LRRC7: variants seen among roughly 807,000 people sequenced by gnomAD.
LRRC7 encodes leucine-rich repeat-containing protein 7.
Under a neutral mutation model 175.7 loss-of-function variants are expected in LRRC7, and 23 were observed. The observed-to-expected ratio is 0.13, with a 90% CI of 0.09 to 0.19. LRRC7 has a LOEUF of 0.19. Ranked by LOEUF, LRRC7 falls within the 10% of genes least tolerant of loss-of-function variation. The pLI, the probability that LRRC7 is intolerant of heterozygous loss-of-function variation, is 1.00. For missense variants in LRRC7, 1,354 were observed against 1,904.7 expected, an observed-to-expected ratio of 0.71 and a Z score of 5.38; for synonymous variants, 685 against 680.9, an observed-to-expected ratio of 1.01 and a Z score of -0.09.
At chr1:70,005,226 T>C (rs1300978850) in intron 11 of LRRC7, among the ~76,000 whole-genome samples, 4 of 152,196 alleles carry the variant, frequency 2.6e-5, no homozygotes, top group Non-Finnish European at 4.4e-5. Flanking sequence ...GTATCTACAC[T>C]AGAATTGGAG....
intron 11 of LRRC7, among the ~76,000 whole-genome samples, chr1:69,995,408 T>G (rs967692050): frequency 1.1e-4 from 17 of 151,968 alleles, no homozygotes; most frequent in Admixed American, 1.1e-3. Context: ...TTTTTTTAAT[T>G]TATTATTATT....
chr1:69,975,280 A>G (rs1652692624), intron 8 of LRRC7, among the ~76,000 whole-genome samples: 1 of 152,176 alleles, frequency 6.6e-6, no homozygotes, highest in Non-Finnish European at 1.5e-5. Flanking sequence ...TTATGTTCCC[A>G]CAGCATCCTC....
intron 1 of LRRC7, among the ~76,000 whole-genome samples, chr1:69,595,374 C>T (rs1235991445): frequency 6.6e-6 from 1 of 152,130 alleles, no homozygotes; most frequent in African/African-American, 2.4e-5. Context: ...GAGCCGAGAT[C>T]GTGCCATTGC....
intron 7 of LRRC7, among the ~76,000 whole-genome samples, chr1:69,847,153 A>G (rs1328484910): frequency 6.6e-6 from 1 of 152,118 alleles, no homozygotes; most frequent in East Asian, 1.9e-4. Context: ...AACACTCCAC[A>G]AGGATTAGGA....
chr1:70,106,610 G>A (rs1011719736), intron 25 of LRRC7, among the ~76,000 whole-genome samples: 1 of 152,148 alleles, frequency 6.6e-6, no homozygotes, highest in African/African-American at 2.4e-5. Context: ...AGTAGCACCT[G>A]AAATTAGTAA....
rs1485995831 is a variant in LRRC7, at chr1:70,039,521, A to G, written c.3697A>G (p.Thr1233Ala). The G allele has an allele frequency of 1.2e-6, 2 of 1,614,122 alleles. No homozygotes were observed. Among genetic ancestry groups the G allele is most frequent in the South Asian group, 2.2e-5 (2 of 91,080 alleles). The change falls in exon 21 of 27, where the codon ACC (threonine) becomes GCC (alanine). Residue 1233 changes from threonine to alanine, a missense_variant. Thr to Ala is a moderately conservative substitution (Grantham distance 58). Coordinates refer to ENST00000651989, the MANE Select transcript of LRRC7 (RefSeq NM_001370785.2). ...QAGSFPVKNL[T>A]QRRPLSARSY... ...GGGAAGTTTTCCGGTTAAAAACCTT[A>G]CCCAAAGGAGGCCATTGTCTGCGAG...
At position 70,138,040 on chromosome 1, in the gene LRRC7, G is replaced by A. The variant is rs1439717618; in HGVS notation, c.*16153G>A. The A allele has an allele frequency of 6.6e-6, 1 of 152,196 alleles. No individual in the cohort carries two copies. The highest frequency in any genetic ancestry group is 2.4e-5 in the African/African-American group (1 of 41,446). The allele number at this position is 152,196 out of a possible 1,614,324, so 9.4% of individuals were successfully genotyped here. A position where few individuals can be genotyped will look rare whatever the true frequency, so the allele number is the denominator to read the frequency against. On this transcript the variant is annotated 3_prime_UTR_variant, in exon 27 of 27. Transcript: ENST00000651989. The stretch of plus-strand genomic sequence containing the variant: ...TATAATAAAGTTGAGTTCAAAAAGT[G>A]TATGAATTCAGTTATGGTCTGGAAA...
intron 4 of LRRC7, among the ~76,000 whole-genome samples, chr1:69,816,220 C>T (rs1284645357): frequency 2.0e-5 from 3 of 152,020 alleles, no homozygotes; most frequent in Admixed American, 6.6e-5. Context: ...TCAAGCAATC[C>T]GCCCGCCTCA....
intron 1 of LRRC7, among the ~76,000 whole-genome samples, chr1:69,573,362 T>C (rs951418510): frequency 6.6e-6 from 1 of 152,294 alleles, no homozygotes; most frequent in East Asian, 1.9e-4. Context: ...CAAAGAAAGA[T>C]TAAGATTTTG....
chr1:69,622,355 T>A (rs146258089), intron 1 of LRRC7, among the ~76,000 whole-genome samples: 2 of 152,362 alleles, frequency 1.3e-5, no homozygotes, highest in African/African-American at 4.8e-5. Flanking sequence ...CTTATGGCTT[T>A]TAAATTAGTT....
chr1:69,738,735 TGA>T (rs1298155124), intron 2 of LRRC7, among the ~76,000 whole-genome samples: 3 of 151,992 alleles, frequency 2.0e-5, no homozygotes, highest in South Asian at 2.1e-4. Context: ...AGAGTTTATG[TGA>T]GAGAGATAAG....
In LRRC7 at chr1:69,919,988, C is replaced by A. The variant is rs939465355; in HGVS notation, c.648-11519C>A. The A allele has an allele frequency of 6.0e-6, 3 of 500,582 alleles. No individual in the cohort carries two copies. In the Admixed American group the frequency reaches 9.9e-5, roughly 17 times the overall value. The allele number at this position is 500,582 out of a possible 1,614,324, so 31.0% of individuals were successfully genotyped here. The stretch of plus-strand genomic sequence containing the variant: ...CTTCCAGACTGGGGGCCCTTCCAGA[C>A]TGGGGGCCCTGGGGTTCCCCACTCC... On this transcript the variant is annotated intron_variant, in intron 7 of 26. Transcript: ENST00000651989.
chr1:70,096,595 A>G (rs1049377258), intron 25 of LRRC7, among the ~76,000 whole-genome samples: 43 of 149,396 alleles, frequency 2.9e-4, no homozygotes, highest in African/African-American at 1.0e-3. Flanking sequence ...TTGAAAGAGA[A>G]AAAAAAAAAT....
At chr1:70,020,964 GT>G (rs777348283) in intron 15 of LRRC7, 40 bp from the exon 16 acceptor site, 1 of 1,543,684 alleles carries the variant, frequency 6.5e-7, no homozygotes, top group South Asian at 1.2e-5. Flanking sequence ...GTGTAAAATT[GT>G]TTTTTAAAAA....
rs1342582946 is a variant in LRRC7 at position 70,036,397 on chromosome 1, A to G, written c.2108-47A>G. 7.1e-6 allele frequency: 11 copies of G among 1,543,812 alleles called. No individual in the cohort carries two copies. In the South Asian group the frequency reaches 9.7e-5, roughly 14 times the overall value. On this transcript the variant is annotated intron_variant, in intron 19 of 26. Transcript: ENST00000651989. ...ATTTTTCATACTTGCTTTTCCGTGT[A>G]ATTGTCAGTGTCATAGCATTATAAC...
chr1:69,920,911 A>G (rs979859969), intron 7 of LRRC7, among the ~76,000 whole-genome samples: 4 of 152,172 alleles, frequency 2.6e-5, no homozygotes, highest in Non-Finnish European at 5.9e-5. Flanking sequence ...CTGCCACTCC[A>G]TATTCCCAGG....
chr1:69,655,307 C>A (rs543177089), intron 1 of LRRC7, among the ~76,000 whole-genome samples: 1 of 152,052 alleles, frequency 6.6e-6, no homozygotes, highest in Non-Finnish European at 1.5e-5. Flanking sequence ...TCTACTACCA[C>A]GTAGGCGGCT....
intron 8 of LRRC7, among the ~76,000 whole-genome samples, chr1:69,938,392 G>A (rs1163888393): frequency 6.6e-6 from 1 of 151,906 alleles, no homozygotes; most frequent in African/African-American, 2.4e-5. Context: ...TTATAATAAG[G>A]GAGAATTGTT....
chr1:69,907,939 G>C (rs1192153482), intron 7 of LRRC7, among the ~76,000 whole-genome samples: 1 of 152,210 alleles, frequency 6.6e-6, no homozygotes, highest in African/African-American at 2.4e-5. Context: ...CAATTTCAGA[G>C]GCTGTTATTG....
Sources: gnomAD v4.1 joint callset for allele counts (sites outside exome capture counted in the v4.1 genomes callset) on GRCh38, gnomAD v4.1.1 for gene constraint, MANE v1.5 for transcripts, NCBI Gene and HGNC (gene_info 2026-07-23, HGNC 2026-07-21) for gene names.